C10orf67: variants seen among roughly 807,000 people sequenced by gnomAD.
C10orf67 encodes the protein uncharacterized protein C10orf67, mitochondrial.
C10orf67 carries 60 observed loss-of-function variants against 35.6 expected under a neutral mutation model. That is an observed-to-expected ratio of 1.68 (90% confidence interval 1.37 to 2.09). C10orf67 has a LOEUF of 2.09. Ranked by LOEUF, C10orf67 falls within the 30% of genes most tolerant of loss-of-function variation. The pLI, the probability that C10orf67 is intolerant of heterozygous loss-of-function variation, is 0.00. For missense variants in C10orf67, 474 were observed against 330.2 expected, an observed-to-expected ratio of 1.44 and a Z score of -3.38; for synonymous variants, 167 against 115.8, an observed-to-expected ratio of 1.44 and a Z score of -2.84.
intron 4 of C10orf67, among the ~76,000 whole-genome samples, chr10:23,313,148 T>G (rs1588682505): frequency 6.6e-6 from 1 of 152,360 alleles, no homozygotes; most frequent in East Asian, 1.9e-4. Context: ...CTTCCTTAAC[T>G]ATTCACCCAA....
intron 15 of C10orf67, among the ~76,000 whole-genome samples, chr10:23,207,819 T>C (rs1210584106): frequency 6.6e-6 from 1 of 152,220 alleles, no homozygotes; most frequent in Non-Finnish European, 1.5e-5. Context: ...CCAATTTCTT[T>C]TCTGGACCTG....
At chr10:23,332,878 A>G (rs1845539003) in intron 2 of C10orf67, among the ~76,000 whole-genome samples, 184 bp downstream of exon 2, 1 of 152,246 alleles carries the variant, frequency 6.6e-6, no homozygotes, top group Non-Finnish European at 1.5e-5. Flanking sequence ...ACATGTAAGT[A>G]TGACATAAAT....
intron 2 of C10orf67, among the ~76,000 whole-genome samples, chr10:23,329,041 A>AAGAAAAG (rs2132371823): frequency 1.3e-4 from 20 of 150,920 alleles, no homozygotes; most frequent in African/African-American, 4.6e-4. Context: ...AAAGAAAAGA[A>AAGAAAAG]AGAAAGAGTA....
intron 2 of C10orf67, among the ~76,000 whole-genome samples, chr10:23,327,243 G>A (rs1845237159): frequency 6.6e-6 from 1 of 151,878 alleles, no homozygotes; most frequent in Non-Finnish European, 1.5e-5. Context: ...AAAGAAATTG[G>A]CAGAAAATAC....
At chr10:23,324,210 G>C (rs1041406817) in intron 2 of C10orf67, among the ~76,000 whole-genome samples, 1 of 151,168 alleles carries the variant, frequency 6.6e-6, no homozygotes, top group African/African-American at 2.4e-5. Flanking sequence ...TCTTCCCTTG[G>C]GCACTGATGT....
At chr10:23,243,529 GA>G (rs1334615495) in intron 12 of C10orf67, among the ~76,000 whole-genome samples, 4 of 150,842 alleles carry the variant, frequency 2.7e-5, no homozygotes, top group African/African-American at 4.9e-5. Context: ...ACTAAAAATA[GA>G]AAAAAAATTA....
chr10:23,274,651 G>C (rs771800063), intron 8 of C10orf67, among the ~76,000 whole-genome samples: 16 of 151,948 alleles, frequency 1.1e-4, no homozygotes, highest in Non-Finnish European at 2.1e-4. Flanking sequence ...TTCTTTTTCA[G>C]GGTGCACTGA....
intron 8 of C10orf67, among the ~76,000 whole-genome samples, chr10:23,275,262 A>G (rs1031781391): frequency 2.6e-5 from 4 of 152,146 alleles, no homozygotes; most frequent in African/African-American, 9.7e-5. Context: ...AGGTGGGAGG[A>G]TTGCTTGAGC....
intron 10 of C10orf67, among the ~76,000 whole-genome samples, chr10:23,257,794 C>T (rs962424019): frequency 1.3e-4 from 19 of 146,220 alleles, no homozygotes; most frequent in African/African-American, 4.6e-4. Context: ...CAGAGTCAGA[C>T]TCTGTTTTTT....
chr10:23,222,703 T>C (rs1306029702), intron 15 of C10orf67, among the ~76,000 whole-genome samples: 2 of 152,160 alleles, frequency 1.3e-5, no homozygotes, highest in Non-Finnish European at 2.9e-5. Flanking sequence ...ATGTTTACAA[T>C]AAAATGTGAG....
intron 4 of C10orf67, among the ~76,000 whole-genome samples, chr10:23,313,578 G>C (rs1422565984): frequency 6.6e-6 from 1 of 152,182 alleles, no homozygotes; most frequent in Non-Finnish European, 1.5e-5. Context: ...CTAGTGGACA[G>C]ATCAATATGT....
intron 2 of C10orf67, among the ~76,000 whole-genome samples, chr10:23,325,231 G>T (rs1377544305): frequency 6.6e-6 from 1 of 152,070 alleles, no homozygotes. Flanking sequence ...TCAGCTACTT[G>T]GGAGGCTGAG....
intron 5 of C10orf67, among the ~76,000 whole-genome samples, chr10:23,300,898 C>T (rs778742307): frequency 2.6e-5 from 4 of 152,154 alleles, no homozygotes; most frequent in African/African-American, 4.8e-5. Context: ...GCAGTTATGA[C>T]GGCACTTCTC....
At chr10:23,310,393 C>G (rs964173162) in intron 4 of C10orf67, among the ~76,000 whole-genome samples, 1 of 152,180 alleles carries the variant, frequency 6.6e-6, no homozygotes, top group Non-Finnish European at 1.5e-5. Flanking sequence ...TTTATTTCTG[C>G]AATTTGAGAT....
chr10:23,295,882 T>C (rs961873906), intron 5 of C10orf67, among the ~76,000 whole-genome samples: 1 of 152,230 alleles, frequency 6.6e-6, no homozygotes, highest in African/African-American at 2.4e-5. Flanking sequence ...AATGCTGTAT[T>C]GCTTAGAAGG....
intron 2 of C10orf67, among the ~76,000 whole-genome samples, chr10:23,326,584 G>A (rs913466897): frequency 6.6e-6 from 1 of 152,004 alleles, no homozygotes; most frequent in Non-Finnish European, 1.5e-5. Context: ...AAATATCTAG[G>A]TACATATAAA....
chr10:23,313,733 G>A (rs1420949712), intron 4 of C10orf67, among the ~76,000 whole-genome samples: 2 of 152,196 alleles, frequency 1.3e-5, no homozygotes, highest in African/African-American at 4.8e-5. Flanking sequence ...TTGTGGGAGG[G>A]TAAAGTTTTA....
intron 15 of C10orf67, among the ~76,000 whole-genome samples, chr10:23,218,905 A>G (rs951122958): frequency 2.6e-5 from 4 of 152,350 alleles, no homozygotes; most frequent in East Asian, 3.8e-4. Flanking sequence ...GAGACAATAT[A>G]TAAAACAATG....
At chr10:23,283,697 A>G (rs1379691415) in intron 7 of C10orf67, among the ~76,000 whole-genome samples, 2 of 152,072 alleles carry the variant, frequency 1.3e-5, no homozygotes, top group African/African-American at 4.8e-5. Context: ...CGTGGTACTT[A>G]GAATACCCCT....
Sources: gnomAD v4.1 joint callset for allele counts (sites outside exome capture counted in the v4.1 genomes callset) on GRCh38, gnomAD v4.1.1 for gene constraint, MANE v1.5 for transcripts, NCBI Gene and HGNC (gene_info 2026-07-23, HGNC 2026-07-21) for gene names.